The following CDH12 variants were observed in gnomAD, a reference collection of about 807,000 sequenced individuals.
CDH12 encodes cadherin-12.
In CDH12, 41 loss-of-function variants were observed where a neutral mutation model predicts 74.1. That is an observed-to-expected ratio of 0.55 (90% CI 0.43 to 0.72). The LOEUF is 0.72. Ranked by LOEUF, CDH12 falls within the 30% of genes least tolerant of loss-of-function variation. CDH12 has a pLI of 0.00. For synonymous variants in CDH12, 399 were observed against 355.0 expected (o/e 1.12, Z -1.39); for missense variants, 945 against 977.2 (o/e 0.97, Z 0.44).
intron 3 of CDH12, among the ~76,000 whole-genome samples, chr5:22,245,505 T>C (rs1199117914): frequency 6.6e-6 from 1 of 152,060 alleles, no homozygotes; most frequent in Non-Finnish European, 1.5e-5. Context: ...ATGCTAAATA[T>C]AGCAGAGATA....
At position 22,131,865 on chromosome 5, in the gene CDH12, T is replaced by C. The variant is rs180985793; in HGVS notation, c.-186-53003A>G. On this transcript the variant is annotated intron_variant, in intron 4 of 14. Coordinates refer to ENST00000382254, the MANE Select transcript of CDH12 (RefSeq NM_004061.5). ...AGAAATACTGCAACCTCAGATCTACTGGCCAAGGGGAGCTGGGTTGTTTTG... is the reference window on the plus strand; with the variant it reads ...AGAAATACTGCAACCTCAGATCTACCGGCCAAGGGGAGCTGGGTTGTTTTG... 1.5e-3 allele frequency among the ~76,000 whole-genome samples: 225 copies of C among 152,224 alleles called. 1 individual carries two copies. The highest frequency in any genetic ancestry group is 5.3e-3 in the African/African-American group (221 of 41,566).
chr5:22,562,201 C>T (rs977217778), intron 1 of CDH12, among the ~76,000 whole-genome samples: 8 of 151,714 alleles, frequency 5.3e-5, no homozygotes, highest in African/African-American at 1.9e-4. Context: ...CCTGTAGTCC[C>T]AGCTACTTGG....
chr5:22,805,733 C>T (rs1459390253), intron 1 of CDH12, among the ~76,000 whole-genome samples: 1 of 152,090 alleles, frequency 6.6e-6, no homozygotes, highest in African/African-American at 2.4e-5. Context: ...TAGGTATGCA[C>T]GTGCCATGGT....
At position 22,315,183 on chromosome 5, in the gene CDH12, C is replaced by T. The variant is rs200249245; in HGVS notation, c.-333+90074G>A. ...TTCACCGTGTTAGCCGGGATGGTCT[C>T]GATCTCCTGACCTTGTGATCTGCCC... On this transcript the variant is annotated intron_variant, in intron 3 of 14. Transcript: ENST00000382254. Among the ~76,000 whole-genome samples, 80 of 133,552 alleles carry T rather than the reference C, an allele frequency of 6.0e-4. 2 individuals are homozygous for T. The East Asian group carries it at 0.017, about 28-fold the overall frequency. The allele number at this position is 133,552 out of a possible 152,430, so 87.6% of individuals were successfully genotyped here.
chr5:22,331,998 T>C (rs1460250912), intron 3 of CDH12, among the ~76,000 whole-genome samples: 1 of 152,040 alleles, frequency 6.6e-6, no homozygotes, highest in Non-Finnish European at 1.5e-5. Context: ...AAATGAAGCT[T>C]GCCTACAGGA....
chr5:22,574,770 A>G (rs1255819868), intron 1 of CDH12, among the ~76,000 whole-genome samples: 1 of 152,112 alleles, frequency 6.6e-6, no homozygotes, highest in Non-Finnish European at 1.5e-5. Flanking sequence ...GTGGGTTTCC[A>G]TGACTATACT....
At chr5:22,552,994 G>T (rs1048128193) in intron 1 of CDH12, among the ~76,000 whole-genome samples, 6 of 152,078 alleles carry the variant, frequency 3.9e-5, no homozygotes, top group African/African-American at 1.4e-4. Context: ...TGGTTAACTT[G>T]TATCTTTTAA....
rs539782716 is a variant in CDH12 at position 22,234,331 on chromosome 5, G to A, written c.-332-21688C>T. On this transcript the variant is annotated intron_variant, in intron 3 of 14. Coordinates refer to ENST00000382254, the MANE Select transcript of CDH12 (RefSeq NM_004061.5). ...TTGTGGGAAGGACCTGGAAAGGGGG[G>A]CGTAATTGAATCATGGGGGCCAGTC... is the stretch of plus-strand genomic sequence containing the variant. Among the ~76,000 whole-genome samples the A allele has an allele frequency of 5.3e-5, 8 of 152,204 alleles. No individual in the cohort carries two copies. In the South Asian group the frequency reaches 1.7e-3, roughly 32 times the overall value.
In CDH12 at chr5:22,402,949, C is replaced by T. The variant is rs373751297; in HGVS notation, c.-333+2308G>A. On this transcript the variant is annotated intron_variant, in intron 3 of 14. Transcript: ENST00000382254. ...GGCAGCTTGGATTGAAAGAAAAAGA[C>T]ATGTGATGGAAAGAAGGAAGATGAA... 1.4e-4 allele frequency among the ~76,000 whole-genome samples: 21 copies of T among 152,124 alleles called. No homozygotes were observed. In the East Asian group the frequency reaches 2.1e-3, roughly 15 times the overall value.
At chr5:21,922,029 G>T (rs1754377241) in intron 6 of CDH12, among the ~76,000 whole-genome samples, 1 of 152,012 alleles carries the variant, frequency 6.6e-6, no homozygotes, top group Non-Finnish European at 1.5e-5. Context: ...TTACCATGGG[G>T]GTGTCCAACA....
chr5:22,036,813 T>A (rs1739221146), intron 5 of CDH12, among the ~76,000 whole-genome samples: 1 of 152,208 alleles, frequency 6.6e-6, no homozygotes, highest in Non-Finnish European at 1.5e-5. Context: ...TAAACTAGCA[T>A]TTCCCAGACA....
At chr5:22,283,205 GATATATATATA>G (rs1736967880) in intron 3 of CDH12, among the ~76,000 whole-genome samples, 3 of 107,986 alleles carry the variant, frequency 2.8e-5, no homozygotes, top group Non-Finnish European at 3.7e-5. Context: ...ACATCTGTGA[GATATATATATA>G]GATATATATA....
chr5:22,795,063 G>A (rs931845591), intron 1 of CDH12, among the ~76,000 whole-genome samples: 6 of 151,994 alleles, frequency 3.9e-5, no homozygotes, highest in African/African-American at 1.5e-4. Context: ...CCATGTTATT[G>A]TATGATTTTG....
chr5:22,320,647 C>T (rs1738834908), intron 3 of CDH12, among the ~76,000 whole-genome samples: 1 of 152,166 alleles, frequency 6.6e-6, no homozygotes, highest in South Asian at 2.1e-4. Flanking sequence ...TATTTAACTT[C>T]ATATCAGAAA....
intron 10 of CDH12, among the ~76,000 whole-genome samples, chr5:21,792,920 G>C (rs1342759540): frequency 6.6e-6 from 1 of 151,680 alleles, no homozygotes; most frequent in African/African-American, 2.4e-5. Context: ...AGTTTTATCA[G>C]ATATTAAAAA....
At chr5:21,821,878 G>T (rs1748388042) in intron 8 of CDH12, among the ~76,000 whole-genome samples, 3 of 151,836 alleles carry the variant, frequency 2.0e-5, no homozygotes, top group African/African-American at 7.2e-5. Context: ...TAATGGCTTA[G>T]AAATAAAATT....
At chr5:22,102,661 CCAA>C (rs1561112890) in intron 4 of CDH12, among the ~76,000 whole-genome samples, 4 of 122,516 alleles carry the variant, frequency 3.3e-5, no homozygotes, top group African/African-American at 1.0e-4. Context: ...GACTCCGTCT[CCAA>C]TAAATAAATA....
chr5:22,368,114 A>G (rs1308266256), intron 3 of CDH12, among the ~76,000 whole-genome samples: 2 of 152,118 alleles, frequency 1.3e-5, no homozygotes, highest in Non-Finnish European at 2.9e-5. Flanking sequence ...AGATATGTGA[A>G]ATTTAAACTA....
chr5:22,746,586 G>A (rs722297), intron 1 of CDH12, among the ~76,000 whole-genome samples: 75,860 of 152,074 alleles, frequency 0.5, 18,937 homozygotes, highest in East Asian at 0.55. Flanking sequence ...ATGTATTTCT[G>A]ACAGTACGTT....
Sources: gnomAD v4.1 joint callset for allele counts (sites outside exome capture counted in the v4.1 genomes callset) on GRCh38, gnomAD v4.1.1 for gene constraint, MANE v1.5 for transcripts, NCBI Gene and HGNC (gene_info 2026-07-23, HGNC 2026-07-21) for gene names.